The following RPS6KA2 variants were observed in gnomAD, a reference collection of about 807,000 sequenced individuals.
The protein encoded by RPS6KA2 is ribosomal protein S6 kinase alpha-2.
Under a neutral mutation model 91.8 loss-of-function variants are expected in RPS6KA2, and 42 were observed. The observed-to-expected ratio is 0.46, with a 90% CI of 0.36 to 0.59. The LOEUF (loss-of-function observed/expected upper bound fraction) is 0.59, where lower values mean the gene tolerates loss of function less well. RPS6KA2 is among the 20% of genes least tolerant of loss of function. The probability of loss-of-function intolerance (pLI) is 0.00; values close to 1 mark genes in which losing one functional copy is unlikely to be tolerated. For synonymous variants in RPS6KA2, 414 were observed against 393.6 expected (o/e 1.05, Z -0.61); for missense variants, 798 against 978.5 (o/e 0.82, Z 2.46).
At chr6:166,833,237 A>C (rs1319258769) in intron 2 of RPS6KA2, among the ~76,000 whole-genome samples, 2 of 152,258 alleles carry the variant, frequency 1.3e-5, no homozygotes, top group Non-Finnish European at 2.9e-5. Context: ...AACCATTCTT[A>C]GCCAACAAAG....
intron 2 of RPS6KA2, among the ~76,000 whole-genome samples, chr6:166,535,639 G>A (rs1047946051): frequency 7.9e-5 from 12 of 152,320 alleles, no homozygotes; most frequent in African/African-American, 2.2e-4. Context: ...TCCCAGCCCC[G>A]GGGTGGTTCC....
At chr6:166,771,439 C>T (rs1231680427) in intron 2 of RPS6KA2, among the ~76,000 whole-genome samples, 1 of 152,176 alleles carries the variant, frequency 6.6e-6, no homozygotes, top group African/African-American at 2.4e-5. Flanking sequence ...TCTAGGAGGC[C>T]TTTCTTCTTC....
At chr6:166,702,552 C>T in intron 2 of RPS6KA2, 1 of 1,435,066 alleles carries the variant, frequency 7.0e-7, no homozygotes, top group Non-Finnish European at 9.8e-7. Flanking sequence ...AACTATCCAG[C>T]ACCTCCCACT....
chr6:166,635,960 A>G lies in RPS6KA2; in HGVS notation c.124-97176T>C, dbSNP rs1360150933. On this transcript the variant is annotated intron_variant, in intron 2 of 21. Coordinates refer to the RPS6KA2 transcript ENST00000503859. The surrounding 1 kb of genome is among the most constrained non-coding windows in gnomAD (Gnocchi z 4.8). ...CCTGCTAGCTTGGCCGCCCATGGCCATTCCACATAAATCCAAATCCAATCA... is the reference window on the plus strand; with the variant it reads ...CCTGCTAGCTTGGCCGCCCATGGCCGTTCCACATAAATCCAAATCCAATCA... 6.6e-6 allele frequency among the ~76,000 whole-genome samples: 1 copy of G among 152,196 alleles called. No homozygotes were observed. The highest frequency in any genetic ancestry group is 6.5e-5 in the Admixed American group (1 of 15,286).
chr6:166,811,508 T>C (rs905037313), intron 2 of RPS6KA2, among the ~76,000 whole-genome samples: 1 of 152,180 alleles, frequency 6.6e-6, no homozygotes, highest in Non-Finnish European at 1.5e-5. Flanking sequence ...CCTGTAGTCC[T>C]AGCTGCTCCA....
intron 2 of RPS6KA2, among the ~76,000 whole-genome samples, chr6:166,822,045 G>A (rs572050145): frequency 5.3e-5 from 8 of 152,144 alleles, no homozygotes; most frequent in African/African-American, 9.7e-5. Flanking sequence ...CACCATGGAC[G>A]CTGCTCGCGC....
rs904360005 is a variant in RPS6KA2 at position 166,789,145 on chromosome 6, G to A, written c.123+69055C>T. 3.3e-5 allele frequency among the ~76,000 whole-genome samples: 5 copies of A among 152,242 alleles called. No homozygotes were observed. The East Asian group carries it at 7.7e-4, about 24-fold the overall frequency. On this transcript the variant is annotated intron_variant, in intron 2 of 21. Coordinates refer to the RPS6KA2 transcript ENST00000503859. ...GGTGACACACGGCACCTGGAAAATC[G>A]GGTCACTCCCACCCTAATACTGCAC...
In RPS6KA2 at chr6:166,702,321, C is replaced by G. The variant is rs1789549226; in HGVS notation, c.123+155879G>C. 5 of 1,613,428 alleles carry G rather than the reference C, an allele frequency of 3.1e-6. No homozygotes were observed. In the South Asian group the frequency reaches 5.5e-5, roughly 18 times the overall value. ...CCCCTCTGCCCAAGCCCCCGGCGACCTCGGGGCTGCAGAAAGGGGTTTTGC... is the reference window on the plus strand; with the variant it reads ...CCCCTCTGCCCAAGCCCCCGGCGACGTCGGGGCTGCAGAAAGGGGTTTTGC... On this transcript the variant is annotated intron_variant, in intron 2 of 21. Coordinates refer to the RPS6KA2 transcript ENST00000503859.
intron 2 of RPS6KA2, among the ~76,000 whole-genome samples, chr6:166,532,636 A>G (rs1157455520): frequency 6.6e-6 from 1 of 152,074 alleles, no homozygotes; most frequent in Admixed American, 6.5e-5. Flanking sequence ...CCCATGGGAA[A>G]GCACCCCAGC....
At chr6:166,630,893 C>G (rs1787053673), upstream of RPS6KA2, among the ~76,000 whole-genome samples, 1 of 152,124 alleles carries the variant, frequency 6.6e-6, no homozygotes, top group Non-Finnish European at 1.5e-5. Flanking sequence ...TCCTGAGACC[C>G]TAGAAGGTAA....
At chr6:166,496,312 T>G (rs1781783171) in intron 8 of RPS6KA2, among the ~76,000 whole-genome samples, 1 of 150,472 alleles carries the variant, frequency 6.6e-6, no homozygotes, top group Admixed American at 6.6e-5. Context: ...ATTGCAACAC[T>G]GCACTCCAGC....
chr6:166,423,880 G>T lies in RPS6KA2; in HGVS notation c.1582-463C>A, dbSNP rs1420074600. 6.5e-6 allele frequency: 1 copy of T among 153,112 alleles called. No homozygotes were observed. The highest frequency in any genetic ancestry group is 2.4e-5 in the African/African-American group (1 of 41,468). The allele number at this position is 153,112 out of a possible 1,614,324, so 9.5% of individuals were successfully genotyped here. A position where few individuals can be genotyped will look rare whatever the true frequency, so the allele number is the denominator to read the frequency against. On this transcript the variant is annotated intron_variant, in intron 16 of 20. Coordinates refer to ENST00000265678, the MANE Select transcript of RPS6KA2 (RefSeq NM_021135.6). The surrounding 1 kb of genome is among the most constrained non-coding windows in gnomAD (Gnocchi z 4.8). ...ACAGATCAGGCACCTGCTGTCCTGG[G>T]TGCAGCAACTCGTTGGGGAGACGGA...
intron 1 of RPS6KA2, among the ~76,000 whole-genome samples, chr6:166,577,927 G>T (rs1043881926): frequency 6.6e-6 from 1 of 152,106 alleles, no homozygotes; most frequent in Non-Finnish European, 1.5e-5. Flanking sequence ...TGAATCATGG[G>T]GGCAGTTTCC....
Position 166,508,381 on chromosome 6 carries a change from G to A in RPS6KA2, c.380-99C>T. The A allele has an allele frequency of 1.3e-6, 1 of 788,548 alleles. No homozygotes were observed. The allele number at this position is 788,548 out of a possible 1,614,324, so 48.8% of individuals were successfully genotyped here. A position where few individuals can be genotyped will look rare whatever the true frequency, so the allele number is the denominator to read the frequency against. On this transcript the variant is annotated intron_variant, in intron 4 of 20. Coordinates refer to ENST00000265678, the MANE Select transcript of RPS6KA2 (RefSeq NM_021135.6). This position sits in a 1 kb window ranked among gnomAD's most constrained non-coding sequence, Gnocchi z 4.3. ...CTGCTCACGGTGCTGCTTACTCCGG[G>A]AGGCTGAGTCACTTGAGAAACGGCA...
chr6:166,587,633 G>GAA (rs11432330), intron 1 of RPS6KA2, among the ~76,000 whole-genome samples: 35 of 145,988 alleles, frequency 2.4e-4, no homozygotes, highest in East Asian at 5.9e-4. Flanking sequence ...TCTGCCATTG[G>GAA]AAAAAAAAAA....
At chr6:166,688,218 C>T (rs1004825232) in intron 2 of RPS6KA2, among the ~76,000 whole-genome samples, 20 of 152,248 alleles carry the variant, frequency 1.3e-4, no homozygotes, top group African/African-American at 4.6e-4. Context: ...TCTGCTCTGC[C>T]TGCCTCCGAG....
chr6:166,670,207 C>T (rs1324407674), intron 2 of RPS6KA2, among the ~76,000 whole-genome samples: 1 of 152,262 alleles, frequency 6.6e-6, no homozygotes, highest in Non-Finnish European at 1.5e-5. Context: ...AAATCACACT[C>T]ATCCTTCACC....
At chr6:166,577,043 G>A (rs1784855617) in intron 1 of RPS6KA2, among the ~76,000 whole-genome samples, 1 of 152,244 alleles carries the variant, frequency 6.6e-6, no homozygotes, top group South Asian at 2.1e-4. Flanking sequence ...TTCAGAGGGT[G>A]GAAGCCCTAA....
chr6:166,493,490 C>A lies in RPS6KA2; in HGVS notation c.748-2749G>T, dbSNP rs527734077. ...GCAGCACTGAGACTTGCCAAGGCTTCCGGGGTGAACTGAGAAAAGCCGAGG... is the reference window on the plus strand; with the variant it reads ...GCAGCACTGAGACTTGCCAAGGCTTACGGGGTGAACTGAGAAAAGCCGAGG... On this transcript the variant is annotated intron_variant, in intron 8 of 20. Transcript: ENST00000265678. This position sits in a 1 kb window ranked among gnomAD's most constrained non-coding sequence, Gnocchi z 4.7. Among the ~76,000 whole-genome samples, 25 of 152,066 alleles carry A rather than the reference C, an allele frequency of 1.6e-4. No individual in the cohort carries two copies. The highest frequency in any genetic ancestry group is 3.1e-4 in the Non-Finnish European group (21 of 68,024).
Sources: allele counts gnomAD v4.1 joint callset (sites outside exome capture counted in the v4.1 genomes callset), GRCh38; gene constraint gnomAD v4.1.1; non-coding constraint Gnocchi (gnomAD v3.1); transcripts MANE v1.5; gene names NCBI Gene and HGNC (gene_info 2026-07-23, HGNC 2026-07-21).